SLC30A8: variants seen among roughly 807,000 people sequenced by gnomAD.
SLC30A8 encodes the protein solute carrier family 30 member 8, also known as proton-coupled zinc antiporter SLC30A8.
SLC30A8 carries 27 observed loss-of-function variants against 36.9 expected under a neutral mutation model. The ratio of observed to expected loss-of-function variants is 0.73; its 90% CI spans 0.54 to 1.01. The LOEUF is 1.01. Among genes scored for constraint, SLC30A8 ranks in the 50% least tolerant of loss-of-function variants. The probability of loss-of-function intolerance (pLI) is 0.00; values close to 1 mark genes in which losing one functional copy is unlikely to be tolerated. For synonymous variants in SLC30A8, 164 were observed against 172.4 expected, an observed-to-expected ratio of 0.95 and a Z score of 0.38; for missense variants, 439 against 452.0, an observed-to-expected ratio of 0.97 and a Z score of 0.26.
chr8:117,155,270 G>A lies in SLC30A8; in HGVS notation c.418+2180G>A, dbSNP rs143752451. ...TGCTCTTGGTATTGAGCTTTACCTC[G>A]CCAGCTCTTTTCCCACTGTGCTTCC... On this transcript the variant is annotated intron_variant, in intron 3 of 7. Transcript: ENST00000456015. Among the ~76,000 whole-genome samples the A allele has an allele frequency of 9.2e-4, 140 of 152,114 alleles. 2 individuals are homozygous for A. Among genetic ancestry groups the A allele is most frequent in the African/African-American group, 2.8e-3 (117 of 41,502 alleles).
intron 2 of SLC30A8, among the ~76,000 whole-genome samples, chr8:117,098,420 T>A (rs1247468768): frequency 2.0e-5 from 3 of 152,164 alleles, no homozygotes; most frequent in African/African-American, 7.2e-5. Flanking sequence ...GTATCACTCG[T>A]CTGTCCTACT....
chr8:117,118,372 C>T (rs1820544787), intron 2 of SLC30A8, among the ~76,000 whole-genome samples: 1 of 151,832 alleles, frequency 6.6e-6, no homozygotes. Context: ...ATGGTTATTT[C>T]AAATACTGTC....
At chr8:116,991,552 T>C (rs1441495450) in intron 1 of SLC30A8, among the ~76,000 whole-genome samples, 2 of 152,090 alleles carry the variant, frequency 1.3e-5, no homozygotes, top group East Asian at 3.9e-4. Context: ...TGATCGCCCA[T>C]CTTGGTCTCC....
chr8:117,166,146 G>A (rs1481150453), intron 6 of SLC30A8, among the ~76,000 whole-genome samples: 2 of 152,130 alleles, frequency 1.3e-5, no homozygotes, highest in Non-Finnish European at 2.9e-5. Flanking sequence ...CCAATACAAC[G>A]AAATAATAAA....
intron 2 of SLC30A8, among the ~76,000 whole-genome samples, chr8:117,121,485 C>T (rs1820691605): frequency 6.6e-6 from 1 of 151,848 alleles, no homozygotes; most frequent in Non-Finnish European, 1.5e-5. Flanking sequence ...TTCTAGTTCC[C>T]AGATGGTGCC....
intron 1 of SLC30A8, among the ~76,000 whole-genome samples, chr8:117,030,598 T>C (rs528294757): frequency 6.6e-6 from 1 of 152,330 alleles, no homozygotes; most frequent in Admixed American, 6.5e-5. Context: ...ATGACAGATT[T>C]TGAAGAAAAA....
intron 1 of SLC30A8, among the ~76,000 whole-genome samples, chr8:117,020,670 T>TATC (rs149385315): frequency 0.64 from 97,797 of 151,710 alleles, 32,494 homozygotes; most frequent in African/African-American, 0.81. Flanking sequence ...TAAAATTGGA[T>TATC]ATACAGCTAT....
At chr8:117,155,543 G>A (rs558010702) in intron 3 of SLC30A8, among the ~76,000 whole-genome samples, 1 of 152,110 alleles carries the variant, frequency 6.6e-6, no homozygotes, top group African/African-American at 2.4e-5. Context: ...CCTTAATAAT[G>A]TACTACAAAT....
chr8:117,032,281 G>A (rs1427078287), intron 1 of SLC30A8, among the ~76,000 whole-genome samples: 3 of 151,740 alleles, frequency 2.0e-5, no homozygotes. Flanking sequence ...CTTATCATCT[G>A]TTTTCTTAGC....
intron 1 of SLC30A8, among the ~76,000 whole-genome samples, chr8:116,958,069 C>G (rs1006177214): frequency 2.0e-5 from 3 of 152,168 alleles, no homozygotes; most frequent in Non-Finnish European, 4.4e-5. Flanking sequence ...TTCTAATGTG[C>G]CTTTGTTAGC....
chr8:117,003,521 C>T (rs1462695714), intron 1 of SLC30A8, among the ~76,000 whole-genome samples: 4 of 152,112 alleles, frequency 2.6e-5, no homozygotes, highest in Non-Finnish European at 5.9e-5. Flanking sequence ...AAAAGCAGAG[C>T]GGCAGAGCTG....
chr8:117,169,183 CTT>C (rs1823232717), intron 6 of SLC30A8, among the ~76,000 whole-genome samples: 2 of 152,240 alleles, frequency 1.3e-5, no homozygotes, highest in East Asian at 3.9e-4. Context: ...ATAACCAGCT[CTT>C]TGTTACTTCC....
intron 1 of SLC30A8, among the ~76,000 whole-genome samples, chr8:116,968,225 C>G (rs1228035515): frequency 6.6e-6 from 1 of 151,650 alleles, no homozygotes; most frequent in East Asian, 1.9e-4. Context: ...CAAATAATCC[C>G]CAGATTTTAT....
At chr8:117,031,522 G>A (rs1310117329) in intron 1 of SLC30A8, among the ~76,000 whole-genome samples, 7 of 150,588 alleles carry the variant, frequency 4.6e-5, no homozygotes, top group African/African-American at 7.4e-5. Flanking sequence ...TGCAATTGGC[G>A]CCATCTCGGC....
At chr8:116,976,798 T>TATCTTTCTTTCTTTCTTTC (rs1563730994) in intron 1 of SLC30A8, among the ~76,000 whole-genome samples, 1 of 125,524 alleles carries the variant, frequency 8.0e-6, no homozygotes, top group Admixed American at 8.2e-5. Flanking sequence ...CCCCTTTTAT[T>TATCTTTCTTTCTTTCTTTC]TTTCTTTCTT....
intron 1 of SLC30A8, among the ~76,000 whole-genome samples, chr8:117,003,665 T>C (rs987445272): frequency 8.5e-5 from 13 of 152,224 alleles, no homozygotes; most frequent in African/African-American, 2.7e-4. Flanking sequence ...ATTTGATCTT[T>C]GCCTTAAATG....
chr8:117,082,481 T>C (rs1818704074), intron 2 of SLC30A8, among the ~76,000 whole-genome samples: 1 of 152,156 alleles, frequency 6.6e-6, no homozygotes, highest in South Asian at 2.1e-4. Flanking sequence ...CTTCAGGGTT[T>C]TCAGGTACCA....
In SLC30A8 at chr8:117,162,156, G is replaced by C. The variant is rs1192782645; in HGVS notation, c.723+268G>C. 3.9e-5 allele frequency among the ~76,000 whole-genome samples: 6 copies of C among 152,120 alleles called. No individual in the cohort carries two copies. In the East Asian group the frequency reaches 1.2e-3, roughly 29 times the overall value. Reference sequence around the variant, plus strand: ...GTATATTTATTGGCTGAAATTTATTGGATGTGCTCCTAGACAGACATCAAA... The same window carrying C: ...GTATATTTATTGGCTGAAATTTATTCGATGTGCTCCTAGACAGACATCAAA... On this transcript the variant is annotated intron_variant, in intron 5 of 7. Transcript: ENST00000456015.
At chr8:117,070,204 A>AT (rs536308009) in intron 2 of SLC30A8, among the ~76,000 whole-genome samples, 15 of 151,792 alleles carry the variant, frequency 9.9e-5, no homozygotes, top group South Asian at 2.1e-4. Context: ...ATAATGACAG[A>AT]TTTTTTTTTC....
Sources: gnomAD v4.1 joint callset for allele counts (sites outside exome capture counted in the v4.1 genomes callset) on GRCh38, gnomAD v4.1.1 for gene constraint, MANE v1.5 for transcripts, NCBI Gene and HGNC (gene_info 2026-07-23, HGNC 2026-07-21) for gene names.